Variants in TRMT2B observed in about 807,000 individuals in gnomAD.
TRMT2B encodes the protein tRNA methyltransferase 2B.
A neutral mutation model predicts 39.7 loss-of-function variants in TRMT2B; 34 were observed. The ratio of observed to expected loss-of-function variants is 0.86; its 90% CI spans 0.65 to 1.14. The LOEUF (loss-of-function observed/expected upper bound fraction) is 1.14, where lower values mean the gene tolerates loss of function less well. Ranked by LOEUF, TRMT2B falls within the 50% of genes most tolerant of loss-of-function variation. The probability of loss-of-function intolerance (pLI) is 0.00; values close to 1 mark genes in which losing one functional copy is unlikely to be tolerated. For missense variants in TRMT2B, 318 were observed against 377.2 expected (o/e 0.84, Z 1.30); for synonymous variants, 132 against 137.3 (o/e 0.96, Z 0.27).
chrX:100,983,410 G>A, the TRMT2B span, among the ~76,000 whole-genome samples: 2 of 110,306 alleles, frequency 1.8e-5, no homozygotes, highest in Admixed American at 1.9e-4. Flanking sequence ...AGGCTGAAGT[G>A]CAATGGTGAG....
At chrX:101,023,158 A>G (rs1030090787) in intron 8 of TRMT2B, among the ~76,000 whole-genome samples, 6 of 112,421 alleles carry the variant, frequency 5.3e-5, no homozygotes, top group Non-Finnish European at 9.4e-5. Flanking sequence ...TGCAGTCTCT[A>G]TTGAATTGGC....
chrX:101,037,856 A>C (rs374038036), intron 5 of TRMT2B, 61 bp downstream of exon 5: 15 of 1,114,497 alleles, frequency 1.3e-5, no homozygotes, highest in East Asian at 6.1e-5. Context: ...AGTAAATATC[A>C]GCTGATGTTA....
chrX:100,980,434 T>G, the TRMT2B span, among the ~76,000 whole-genome samples: 1 of 110,053 alleles, frequency 9.1e-6, no homozygotes, highest in South Asian at 4.0e-4. Flanking sequence ...CGAGGGCTCT[T>G]TAGTCTGCAG....
At chrX:100,987,618 C>G in the TRMT2B span, 1 of 1,148,301 alleles carries the variant, frequency 8.7e-7, no homozygotes, top group Non-Finnish European at 1.2e-6. Flanking sequence ...GTCTTTCTCA[C>G]GAGCAAGGAG....
chrX:100,991,256 TAGA>T, the TRMT2B span, among the ~76,000 whole-genome samples: 1 of 112,106 alleles, frequency 8.9e-6, no homozygotes, highest in African/African-American at 3.2e-5. Context: ...TTTCTAATTT[TAGA>T]AGATTTTGGA....
chrX:101,015,172 G>C (rs1450470106), intron 13 of TRMT2B, among the ~76,000 whole-genome samples: 2 of 111,381 alleles, frequency 1.8e-5, no homozygotes, highest in Admixed American at 1.9e-4. Context: ...ATGGACTTTG[G>C]GAGTATTTCA....
chrX:101,015,635 G>C lies in TRMT2B; in HGVS notation c.1388+3336C>G. Reference sequence around the variant, plus strand: ...TGCAGTCTCAGCTTACCAATTTCTAGGAGTTTCTTAGATTAAGGAAAAAAG... The same window carrying C: ...TGCAGTCTCAGCTTACCAATTTCTACGAGTTTCTTAGATTAAGGAAAAAAG... On this transcript the variant is annotated intron_variant, in intron 13 of 13. Coordinates refer to ENST00000372936, the MANE Select transcript of TRMT2B (RefSeq NM_024917.6). 4.0e-6 allele frequency: 3 copies of C among 751,326 alleles called. No homozygotes were observed. The South Asian group carries it at 2.0e-4, about 51-fold the overall frequency. 61.9% of individuals were successfully genotyped at this position (751,326 alleles called of 1,213,427 possible).
At chrX:101,015,619 A>G (rs983756140) in intron 13 of TRMT2B, 67 of 748,249 alleles carry the variant, frequency 9.0e-5, no homozygotes, top group Admixed American at 2.7e-4. Flanking sequence ...GTGCAGTCTC[A>G]GCTTACCAAT....
At chrX:100,987,583 C>T in the TRMT2B span, 1 of 1,200,936 alleles carries the variant, frequency 8.3e-7, no homozygotes, top group Non-Finnish European at 1.1e-6. Flanking sequence ...ATGAGATTTG[C>T]TGATAAGAAA....
chrX:100,993,339 T>C, the TRMT2B span, among the ~76,000 whole-genome samples: 1 of 112,171 alleles, frequency 8.9e-6, no homozygotes, highest in South Asian at 3.7e-4. Context: ...TTCCTCCAAT[T>C]TGCCTGATAA....
At chrX:101,027,260 TCTCA>T (rs2148026182) in intron 7 of TRMT2B, among the ~76,000 whole-genome samples, 1 of 105,341 alleles carries the variant, frequency 9.5e-6, no homozygotes, top group Non-Finnish European at 1.9e-5. Flanking sequence ...TGAGATGGAG[TCTCA>T]CTCTGTCGCC....
At chrX:100,986,731 C>A in the TRMT2B span, 1 of 720,493 alleles carries the variant, frequency 1.4e-6, no homozygotes, top group Non-Finnish European at 2.1e-6. Context: ...TCTTTTCTCG[C>A]CTTTTGCTTC....
intron 6 of TRMT2B, among the ~76,000 whole-genome samples, chrX:101,036,225 C>T (rs1284038415): frequency 9.0e-6 from 1 of 110,922 alleles, no homozygotes; most frequent in Non-Finnish European, 1.9e-5. Flanking sequence ...GCGAGTGGAT[C>T]ACCTGAGGTC....
At chrX:101,013,332 C>A (rs2086350910) in intron 13 of TRMT2B, among the ~76,000 whole-genome samples, 1 of 111,406 alleles carries the variant, frequency 9.0e-6, no homozygotes, top group African/African-American at 3.3e-5. Flanking sequence ...AGGAGAGGGA[C>A]AGAATTATTT....
chrX:101,019,010 G>T lies in TRMT2B; in HGVS notation c.1349C>A (p.Ser450Tyr). The change falls in exon 13 of 14, where the codon TCC (serine) becomes TAC (tyrosine). Residue 450 changes from serine (S) to tyrosine (Y), a missense_variant. Coordinates refer to ENST00000372936, the MANE Select transcript of TRMT2B (RefSeq NM_024917.6). ...AGTGGATTCACCATGGAGCTTGCAG[G>T]AAACAAAAACTAGCGTGTGGATGGC... Reference protein sequence around the residue: ...FRAIHTLVFVSCKLHGESTRN... With the variant: ...FRAIHTLVFVYCKLHGESTRN... 1 of 1,209,207 alleles carries T rather than the reference G, an allele frequency of 8.3e-7. No homozygotes were observed. Among genetic ancestry groups the T allele is most frequent in the Middle Eastern group, 2.3e-4 (1 of 4,349 alleles).
intron 2 of TRMT2B, among the ~76,000 whole-genome samples, chrX:101,043,399 G>A (rs184027843): frequency 4.5e-3 from 500 of 111,286 alleles, no homozygotes; most frequent in Non-Finnish European, 7.7e-3. Context: ...GTGAAACCCC[G>A]TCTCTACTAA....
At chrX:101,012,959 C>T (rs915947319) in intron 13 of TRMT2B, among the ~76,000 whole-genome samples, 1 of 110,782 alleles carries the variant, frequency 9.0e-6, no homozygotes, top group South Asian at 3.9e-4. Flanking sequence ...GCTGGGATTA[C>T]AGGCACACAC....
the TRMT2B span, chrX:100,986,710 C>T: frequency 1.7e-6 from 1 of 579,387 alleles, no homozygotes. Context: ...TTGTTCTCCT[C>T]CTCTTTCCCT....
intron 2 of TRMT2B, among the ~76,000 whole-genome samples, chrX:101,049,801 T>C (rs923578174): frequency 4.1e-5 from 4 of 96,394 alleles, no homozygotes; most frequent in Admixed American, 1.1e-4. Flanking sequence ...AAAAAAAAAG[T>C]GTGTGGCCTG....
Sources: gnomAD v4.1 joint callset for allele counts (sites outside exome capture counted in the v4.1 genomes callset) on GRCh38, gnomAD v4.1.1 for gene constraint, MANE v1.5 for transcripts, NCBI Gene and HGNC (gene_info 2026-07-23, HGNC 2026-07-21) for gene names.